The following CSNK1G1 variants were observed in gnomAD, a reference collection of about 807,000 sequenced individuals.
CSNK1G1 encodes the protein casein kinase 1 gamma 1, also known as casein kinase I isoform gamma-1.
A neutral mutation model predicts 59.6 loss-of-function variants in CSNK1G1; 22 were observed. The ratio of observed to expected loss-of-function variants is 0.37; its 90% confidence interval spans 0.26 to 0.53. The LOEUF (loss-of-function observed/expected upper bound fraction) is 0.53. Ranked by LOEUF, CSNK1G1 falls within the 20% of genes least tolerant of loss-of-function variation. The pLI is 0.89. For synonymous variants in CSNK1G1, 179 were observed against 177.1 expected, an observed-to-expected ratio of 1.01 and a Z score of -0.08; for missense variants, 384 against 519.5, an observed-to-expected ratio of 0.74 and a Z score of 2.54.
intron 1 of CSNK1G1, among the ~76,000 whole-genome samples, chr15:64,331,199 A>G (rs2140457399): frequency 7.2e-6 from 1 of 138,626 alleles, no homozygotes; most frequent in South Asian, 2.4e-4. Flanking sequence ...ATGGAACCAA[A>G]AAAGAGCCCG....
chr15:64,172,064 C>T, intron 11 of CSNK1G1, 79 bp from the exon 12 acceptor site: 1 of 1,370,714 alleles, frequency 7.3e-7, no homozygotes. Flanking sequence ...CTGCTTACTG[C>T]AGGGGTGGAA....
At chr15:64,202,044 T>C (rs1045508454) in intron 10 of CSNK1G1, among the ~76,000 whole-genome samples, 1 of 152,184 alleles carries the variant, frequency 6.6e-6, no homozygotes, top group Admixed American at 6.5e-5. Context: ...GTCAAACTTG[T>C]TGATTTTTTG....
At chr15:64,312,839 T>A (rs563867792) in intron 1 of CSNK1G1, among the ~76,000 whole-genome samples, 35 of 151,910 alleles carry the variant, frequency 2.3e-4, no homozygotes, top group African/African-American at 8.2e-4. Context: ...TGGGAGAAAA[T>A]TTTTGCAATC....
chr15:64,313,929 G>A (rs1326647233), intron 1 of CSNK1G1, among the ~76,000 whole-genome samples: 15 of 151,010 alleles, frequency 9.9e-5, no homozygotes, highest in Admixed American at 4.0e-4. Flanking sequence ...CCTAAAACTG[G>A]GTTATTCCAC....
At chr15:64,239,076 T>A (rs1014253155) in intron 4 of CSNK1G1, among the ~76,000 whole-genome samples, 8 of 152,190 alleles carry the variant, frequency 5.3e-5, no homozygotes, top group African/African-American at 1.9e-4. Flanking sequence ...GCTGTATCAC[T>A]AAACCTACCT....
At chr15:64,324,177 T>G (rs1896718295) in intron 1 of CSNK1G1, among the ~76,000 whole-genome samples, 1 of 152,204 alleles carries the variant, frequency 6.6e-6, no homozygotes, top group South Asian at 2.1e-4. Context: ...CTACACTGAT[T>G]ACCCAAACCT....
At chr15:64,193,505 T>C (rs1450414753) in intron 10 of CSNK1G1, among the ~76,000 whole-genome samples, 3 of 61,780 alleles carry the variant, frequency 4.9e-5, no homozygotes, top group African/African-American at 1.9e-4. Flanking sequence ...AAAAAAAAAG[T>C]ATATACTTGA....
chr15:64,253,342 C>T (rs1452215616), intron 3 of CSNK1G1, among the ~76,000 whole-genome samples: 1 of 152,086 alleles, frequency 6.6e-6, no homozygotes. Context: ...GAGACCTTGT[C>T]TCAATCAATC....
intron 4 of CSNK1G1, among the ~76,000 whole-genome samples, chr15:64,228,429 C>T (rs1000380947): frequency 1.1e-4 from 16 of 152,144 alleles, no homozygotes; most frequent in Non-Finnish European, 2.1e-4. Context: ...AGGTGGATCA[C>T]GAGGTCAGGA....
intron 2 of CSNK1G1, among the ~76,000 whole-genome samples, chr15:64,277,447 A>G (rs1893695841): frequency 6.6e-6 from 1 of 151,842 alleles, no homozygotes; most frequent in Non-Finnish European, 1.5e-5. Context: ...CCTGGGCAAC[A>G]GAGTGAGACC....
chr15:64,306,056 A>G (rs1281838550), intron 1 of CSNK1G1, among the ~76,000 whole-genome samples: 1 of 152,208 alleles, frequency 6.6e-6, no homozygotes, highest in African/African-American at 2.4e-5. Flanking sequence ...ATGCCATAGG[A>G]AAAAATCTAA....
At chr15:64,318,081 A>G (rs1055600981) in intron 1 of CSNK1G1, among the ~76,000 whole-genome samples, 1 of 152,130 alleles carries the variant, frequency 6.6e-6, no homozygotes, top group Non-Finnish European at 1.5e-5. Context: ...TTCCAGGTAG[A>G]AGTAAGCCAA....
In CSNK1G1 at chr15:64,171,925, C is replaced by T. The variant is rs1191462947; in HGVS notation, c.*6G>A. ...CCAGGGCCTGAGGACTCCTGGGAGGCACTGGTCACTTGTGGCGCTGAGCAG... is the reference window on the plus strand; with the variant it reads ...CCAGGGCCTGAGGACTCCTGGGAGGTACTGGTCACTTGTGGCGCTGAGCAG... On this transcript the variant is annotated 3_prime_UTR_variant, in exon 12 of 12. Transcript: ENST00000303052. The surrounding 1 kb of genome is among the most constrained non-coding windows in gnomAD (Gnocchi z 4.8). 3 of 1,613,274 alleles carry T rather than the reference C, an allele frequency of 1.9e-6. No individual in the cohort carries two copies. Among genetic ancestry groups the T allele is most frequent in the Admixed American group, 3.3e-5 (2 of 60,024 alleles).
chr15:64,307,877 G>T (rs368005818), intron 1 of CSNK1G1, among the ~76,000 whole-genome samples: 1 of 151,902 alleles, frequency 6.6e-6, no homozygotes, highest in African/African-American at 2.4e-5. Context: ...TAGTAGAGAC[G>T]GGGTTTCACC....
intron 1 of CSNK1G1, among the ~76,000 whole-genome samples, chr15:64,331,802 A>G (rs1168555975): frequency 6.6e-6 from 1 of 150,470 alleles, no homozygotes; most frequent in Non-Finnish European, 1.5e-5. Flanking sequence ...AATATCCAGA[A>G]TCTACAATGA....
In CSNK1G1 at chr15:64,229,902, ATTTTTTT is replaced by A. The variant is rs533868270; in HGVS notation, c.293-13196_293-13190del. 8.8e-3 allele frequency among the ~76,000 whole-genome samples: 386 copies of A among 43,774 alleles called. 7 individuals carry two copies. Among genetic ancestry groups the A allele is most frequent in the East Asian group, 0.018 (17 of 934 alleles). 28.7% of individuals were successfully genotyped at this position (43,774 alleles called of 152,430 possible). A position where few individuals can be genotyped will look rare whatever the true frequency, so the allele number is the denominator to read the frequency against. Reference sequence around the variant, plus strand: ...CCTATATTTTTGGGCATGTTTGTAAATTTTTTTTTTTTTTTTTTTTTTTTTTTTTTTT... The same window carrying A: ...CCTATATTTTTGGGCATGTTTGTAAATTTTTTTTTTTTTTTTTTTTTTTTT... On this transcript the variant is annotated intron_variant, in intron 4 of 11. Coordinates refer to ENST00000303052, the MANE Select transcript of CSNK1G1 (RefSeq NM_022048.5).
At chr15:64,261,718 G>A (rs1291260669) in intron 2 of CSNK1G1, among the ~76,000 whole-genome samples, 3 of 152,050 alleles carry the variant, frequency 2.0e-5, no homozygotes, top group African/African-American at 7.2e-5. Flanking sequence ...GGCGAGGCAG[G>A]TGGCTCAAGA....
intron 1 of CSNK1G1, among the ~76,000 whole-genome samples, chr15:64,340,338 T>G (rs1042715724): frequency 6.6e-6 from 1 of 152,254 alleles, no homozygotes; most frequent in Non-Finnish European, 1.5e-5. Flanking sequence ...TTAATGATTT[T>G]TTTTTCTTTA....
At position 64,300,623 on chromosome 15, in the gene CSNK1G1, A is replaced by G. The variant is rs954649730; in HGVS notation, c.-124T>C. 9.4e-6 allele frequency: 13 copies of G among 1,390,244 alleles called. No individual in the cohort carries two copies. The Admixed American group carries it at 2.8e-4, about 30-fold the overall frequency. 86.1% of individuals were successfully genotyped at this position (1,390,244 alleles called of 1,614,324 possible). ...AAAGGTAAGGAGTTCTTTTAGCACC[A>G]TATTTGTTTGTAATGTATCTCCGGG... is the stretch of plus-strand genomic sequence containing the variant. On this transcript the variant is annotated 5_prime_UTR_variant, in exon 2 of 12. It removes an upstream start codon present in the reference 5' UTR. Transcript: ENST00000303052.
Sources: allele counts gnomAD v4.1 joint callset (sites outside exome capture counted in the v4.1 genomes callset), GRCh38; gene constraint gnomAD v4.1.1; non-coding constraint Gnocchi (gnomAD v3.1); transcripts MANE v1.5; gene names NCBI Gene and HGNC (gene_info 2026-07-23, HGNC 2026-07-21).